The following NIBAN1 variants were observed in gnomAD, a reference collection of about 807,000 sequenced individuals.
The protein encoded by NIBAN1 is protein Niban 1.
Under a neutral mutation model 75.1 loss-of-function variants are expected in NIBAN1, and 81 were observed. The ratio of observed to expected loss-of-function variants is 1.08; its 90% CI spans 0.90 to 1.30. NIBAN1 has a LOEUF of 1.30. NIBAN1 is among the 50% of genes most tolerant of loss of function. The probability of loss-of-function intolerance (pLI) is 0.00; values close to 1 mark genes in which losing one functional copy is unlikely to be tolerated. For missense variants in NIBAN1, 1,133 were observed against 1,128.1 expected (o/e 1.00, Z -0.06); for synonymous variants, 436 against 424.8 (o/e 1.03, Z -0.32).
At chr1:184,911,239 T>C (rs888498544) in intron 1 of NIBAN1, among the ~76,000 whole-genome samples, 1 of 152,216 alleles carries the variant, frequency 6.6e-6, no homozygotes, top group Non-Finnish European at 1.5e-5. Flanking sequence ...TTAAAAGCAA[T>C]GCAAATATCT....
intron 1 of NIBAN1, among the ~76,000 whole-genome samples, chr1:184,947,531 A>G (rs1658260703): frequency 6.6e-6 from 1 of 152,250 alleles, no homozygotes; most frequent in Non-Finnish European, 1.5e-5. Context: ...AATGTTTAAC[A>G]TGATAAATAT....
intron 1 of NIBAN1, among the ~76,000 whole-genome samples, chr1:184,949,290 A>G (rs982595543): frequency 6.6e-6 from 1 of 152,218 alleles, no homozygotes; most frequent in South Asian, 2.1e-4. Context: ...CCCGGGAGGC[A>G]GACCTTGCAG....
At position 184,896,229 on chromosome 1, in the gene NIBAN1, G is replaced by T. The variant is rs527585600; in HGVS notation, c.187-2023C>A. On this transcript the variant is annotated intron_variant, in intron 2 of 13. Transcript: ENST00000367511. ...ACATCCACATCATCTGTTATTTTTTGACTTTTTAATGACATTCATTCTTAC... is the reference window on the plus strand; with the variant it reads ...ACATCCACATCATCTGTTATTTTTTTACTTTTTAATGACATTCATTCTTAC... 6.6e-5 allele frequency among the ~76,000 whole-genome samples: 10 copies of T among 152,100 alleles called. No individual in the cohort carries two copies. The South Asian group carries it at 2.1e-3, about 32-fold the overall frequency.
intron 5 of NIBAN1, among the ~76,000 whole-genome samples, chr1:184,871,439 G>C (rs1557894986): frequency 6.6e-6 from 1 of 150,958 alleles, no homozygotes; most frequent in Non-Finnish European, 1.5e-5. Context: ...GCATGGATCA[G>C]AGTGATGCTT....
chr1:184,837,645 C>G (rs1395685303), intron 5 of NIBAN1, among the ~76,000 whole-genome samples: 7 of 152,076 alleles, frequency 4.6e-5, no homozygotes. Flanking sequence ...TGGTTTGGCC[C>G]CGGCTTGATT....
intron 5 of NIBAN1, chr1:184,868,360 T>A (rs1389856216): frequency 1.3e-5 from 2 of 151,226 alleles, no homozygotes; most frequent in Non-Finnish European, 3.0e-5. Flanking sequence ...GAAAAAAAAA[T>A]AAAGGCTAAG....
chr1:184,805,178 C>T (rs553620911), intron 11 of NIBAN1, among the ~76,000 whole-genome samples: 24 of 152,254 alleles, frequency 1.6e-4, no homozygotes, highest in African/African-American at 5.8e-4. Flanking sequence ...CAGAGACCAC[C>T]CCTAGGCTCT....
At chr1:184,796,645 TAAC>T (rs771778866) in intron 13 of NIBAN1, among the ~76,000 whole-genome samples, 1 of 152,068 alleles carries the variant, frequency 6.6e-6, no homozygotes, top group East Asian at 1.9e-4. Context: ...GCAAATCCAA[TAAC>T]AACAACAACA....
At chr1:184,915,479 T>C (rs2102010923) in intron 1 of NIBAN1, among the ~76,000 whole-genome samples, 1 of 152,336 alleles carries the variant, frequency 6.6e-6, no homozygotes, top group East Asian at 1.9e-4. Flanking sequence ...CTCTAAAGAA[T>C]AGTAAGATGG....
In NIBAN1 at chr1:184,823,240, G is replaced by T. The variant is rs781120975; in HGVS notation, c.912C>A (p.Gly304=). ...LKEECRALTK[G]LEGTIRSDMD... ...TGTCAGAACGGATCGTTCCTTCCAGGCCCTTTGTCAGAGCTCTGCATTCCT... is the reference window on the plus strand; with the variant it reads ...TGTCAGAACGGATCGTTCCTTCCAGTCCCTTTGTCAGAGCTCTGCATTCCT... Residue 304 remains glycine (G), a synonymous_variant, in exon 8 of 14, where the codon GGC becomes GGA. Transcript: ENST00000367511. 1 of 1,614,132 alleles carries T rather than the reference G, an allele frequency of 6.2e-7. No homozygotes were observed. The highest frequency in any genetic ancestry group is 2.2e-5 in the East Asian group (1 of 44,886).
intron 9 of NIBAN1, among the ~76,000 whole-genome samples, chr1:184,818,430 T>C (rs1654597825): frequency 6.6e-6 from 1 of 151,964 alleles, no homozygotes; most frequent in Non-Finnish European, 1.5e-5. Context: ...AAACCATCAG[T>C]AAAACTATCA....
At chr1:184,897,459 C>T (rs1656830872) in intron 2 of NIBAN1, among the ~76,000 whole-genome samples, 1 of 152,048 alleles carries the variant, frequency 6.6e-6, no homozygotes, top group Non-Finnish European at 1.5e-5. Flanking sequence ...TTGCTGGATC[C>T]TTCTCCTTTT....
intron 9 of NIBAN1, among the ~76,000 whole-genome samples, chr1:184,815,884 A>G (rs549354306): frequency 2.2e-4 from 33 of 152,334 alleles, no homozygotes; most frequent in African/African-American, 7.7e-4. Context: ...AAAAGGCAAT[A>G]ATTAGAAATG....
At chr1:184,895,356 C>A (rs1057326601) in intron 2 of NIBAN1, among the ~76,000 whole-genome samples, 1 of 152,080 alleles carries the variant, frequency 6.6e-6, no homozygotes, top group African/African-American at 2.4e-5. Context: ...TGGGGCCTCA[C>A]GATAGACTTA....
intron 1 of NIBAN1, among the ~76,000 whole-genome samples, chr1:184,905,002 G>C (rs1657055144): frequency 6.6e-6 from 1 of 152,012 alleles, no homozygotes; most frequent in Non-Finnish European, 1.5e-5. Flanking sequence ...AGACAGAGGA[G>C]AAAAACAAAA....
intron 1 of NIBAN1, among the ~76,000 whole-genome samples, chr1:184,908,735 T>C (rs1034069163): frequency 1.3e-5 from 2 of 152,220 alleles, no homozygotes; most frequent in East Asian, 3.8e-4. Flanking sequence ...TATTTTGTCA[T>C]TACCTCACAG....
chr1:184,971,377 TA>T (rs1557936385), intron 1 of NIBAN1, among the ~76,000 whole-genome samples: 1 of 150,800 alleles, frequency 6.6e-6, no homozygotes, highest in Non-Finnish European at 1.5e-5. Context: ...TCTTCCTCAT[TA>T]AAAAAAAGAT....
intron 4 of NIBAN1, chr1:184,888,157 C>T (rs1456244160): frequency 6.6e-6 from 1 of 152,190 alleles, no homozygotes; most frequent in East Asian, 1.9e-4. Flanking sequence ...TCACTGCATT[C>T]CAGCCTGGGC....
At chr1:184,954,652 G>T (rs1463892405) in intron 1 of NIBAN1, among the ~76,000 whole-genome samples, 2 of 152,246 alleles carry the variant, frequency 1.3e-5, no homozygotes, top group South Asian at 2.1e-4. Context: ...TGTCATTTTC[G>T]GGATGCTTAT....
Sources: gnomAD v4.1 joint callset for allele counts (sites outside exome capture counted in the v4.1 genomes callset) on GRCh38, gnomAD v4.1.1 for gene constraint, MANE v1.5 for transcripts, NCBI Gene and HGNC (gene_info 2026-07-23, HGNC 2026-07-21) for gene names.